The following ERG variants were observed in gnomAD, a reference collection of about 807,000 sequenced individuals.
The protein encoded by ERG is ETS transcription factor ERG.
A neutral mutation model predicts 55.3 loss-of-function variants in ERG; 9 were observed. The ratio of observed to expected loss-of-function variants is 0.16; its 90% CI spans 0.10 to 0.28. The LOEUF (loss-of-function observed/expected upper bound fraction) is 0.28. Ranked by LOEUF, ERG falls within the 10% of genes least tolerant of loss-of-function variation. The pLI is 1.00. For missense variants in ERG, 434 were observed against 631.6 expected (o/e 0.69, Z 3.35); for synonymous variants, 223 against 237.3 (o/e 0.94, Z 0.55).
intron 2 of ERG, among the ~76,000 whole-genome samples, chr21:38,519,666 T>C (rs2059579310): frequency 6.6e-6 from 1 of 152,150 alleles, no homozygotes; most frequent in Non-Finnish European, 1.5e-5. Flanking sequence ...ATTAGAGAAG[T>C]AAACAAAGAA....
intron 1 of ERG, among the ~76,000 whole-genome samples, chr21:38,637,958 T>A (rs1461391088): frequency 6.6e-6 from 1 of 152,038 alleles, no homozygotes; most frequent in East Asian, 1.9e-4. Flanking sequence ...GTTAACTGAG[T>A]GGATTGAAGA....
rs116392120 is a variant in ERG at position 38,535,041 on chromosome 21, C to T, written c.-41+40621G>A. Among the ~76,000 whole-genome samples the T allele has an allele frequency of 8.7e-3, 1,323 of 152,098 alleles. 19 individuals carry two copies. Among genetic ancestry groups the T allele is most frequent in the African/African-American group, 0.03 (1,229 of 41,486 alleles). On this transcript the variant is annotated intron_variant, in intron 2 of 8. Coordinates refer to the ERG transcript ENST00000398897. ...AAACGTGTGCCATGGTGGTTTGCTG[C>T]ACCTATCAACCCATCACCTAGGTAT...
intron 2 of ERG, among the ~76,000 whole-genome samples, chr21:38,558,301 T>A (rs1487256130): frequency 6.6e-6 from 1 of 152,188 alleles, no homozygotes; most frequent in African/African-American, 2.4e-5. Flanking sequence ...CTGAAACAGG[T>A]CAACACTGGG....
intron 1 of ERG, among the ~76,000 whole-genome samples, chr21:38,600,188 C>T (rs892782905): frequency 2.6e-5 from 4 of 152,164 alleles, no homozygotes; most frequent in Non-Finnish European, 4.4e-5. Flanking sequence ...CACCCAACCC[C>T]GCCCCGGCTT....
intron 2 of ERG, among the ~76,000 whole-genome samples, chr21:38,562,501 A>G (rs1398169698): frequency 1.3e-5 from 2 of 152,172 alleles, no homozygotes; most frequent in East Asian, 3.9e-4. Flanking sequence ...CCCTAGACCT[A>G]CTGAACTAGG....
At chr21:38,630,691 C>T (rs900597414) in intron 1 of ERG, among the ~76,000 whole-genome samples, 11 of 152,324 alleles carry the variant, frequency 7.2e-5, no homozygotes, top group Non-Finnish European at 1.6e-4. Flanking sequence ...ACAACCAATC[C>T]TGCATAAGTT....
In ERG at chr21:38,513,129, C is replaced by CAA. The variant is rs113718302; in HGVS notation, c.-41+62531_-41+62532dup. On this transcript the variant is annotated intron_variant, in intron 2 of 8. Transcript: ENST00000398897. ...CTGACAACAGAGTAAGACTCCGTCT[C>CAA]AAAAAAAAAAATAATAATAATAGGC... Among the ~76,000 whole-genome samples the CAA allele has an allele frequency of 2.3e-3, 309 of 137,058 alleles. 2 individuals carry two copies. The highest frequency in any genetic ancestry group is 0.01 in the South Asian group (45 of 4,320). The allele number at this position is 137,058 out of a possible 152,430, so 89.9% of individuals were successfully genotyped here.
downstream of ERG, among the ~76,000 whole-genome samples, chr21:38,378,978 C>T (rs749214137): frequency 2.6e-5 from 4 of 152,196 alleles, no homozygotes. Context: ...AGTGTGTATA[C>T]AGCACCTGAC....
intron 1 of ERG, among the ~76,000 whole-genome samples, chr21:38,639,020 G>A (rs1298626730): frequency 6.6e-6 from 1 of 152,124 alleles, no homozygotes; most frequent in East Asian, 1.9e-4. Context: ...CCTGCAGCCA[G>A]GCTCTAACAA....
At chr21:38,546,428 C>G (rs1330589870) in intron 2 of ERG, among the ~76,000 whole-genome samples, 2 of 152,176 alleles carry the variant, frequency 1.3e-5, no homozygotes, top group Non-Finnish European at 2.9e-5. Context: ...GGTGTATGCT[C>G]ATGTGATACT....
At chr21:38,535,487 C>A (rs1310881737) in intron 2 of ERG, among the ~76,000 whole-genome samples, 1 of 152,156 alleles carries the variant, frequency 6.6e-6, no homozygotes, top group Non-Finnish European at 1.5e-5. Flanking sequence ...CTATCACTTA[C>A]CAAACCCACT....
At chr21:38,573,303 A>G (rs200818456) in intron 2 of ERG, among the ~76,000 whole-genome samples, 1 of 152,334 alleles carries the variant, frequency 6.6e-6, no homozygotes, top group South Asian at 2.1e-4. Context: ...CGACACCCGT[A>G]AAGGGTCTGT....
chr21:38,375,759 G>C (rs1463448999), downstream of ERG, among the ~76,000 whole-genome samples: 1 of 152,074 alleles, frequency 6.6e-6, no homozygotes, highest in Non-Finnish European at 1.5e-5. Flanking sequence ...TTGTTTACTT[G>C]GTGTGTATAA....
chr21:38,516,863 G>A (rs1353636429), intron 2 of ERG, among the ~76,000 whole-genome samples: 1 of 151,962 alleles, frequency 6.6e-6, no homozygotes, highest in African/African-American at 2.4e-5. Context: ...CATACATTGG[G>A]AAAAAGACAC....
intron 1 of ERG, among the ~76,000 whole-genome samples, chr21:38,473,026 G>A (rs536468494): frequency 4.6e-5 from 7 of 152,280 alleles, no homozygotes; most frequent in South Asian, 2.1e-4. Flanking sequence ...GGCACTGCGG[G>A]GCAGAACTTC....
chr21:38,375,290 G>A (rs1044099936), downstream of ERG, among the ~76,000 whole-genome samples: 2 of 152,128 alleles, frequency 1.3e-5, no homozygotes, highest in African/African-American at 4.8e-5. Flanking sequence ...CTTAAAACCC[G>A]ACCTCTATGT....
chr21:38,426,145 A>G (rs1220049800), intron 2 of ERG, among the ~76,000 whole-genome samples: 1 of 152,222 alleles, frequency 6.6e-6, no homozygotes, highest in South Asian at 2.1e-4. Flanking sequence ...TGCTAACATG[A>G]AGGAAATTTT....
chr21:38,455,844 T>A (rs1196165155), intron 1 of ERG, among the ~76,000 whole-genome samples: 1 of 149,952 alleles, frequency 6.7e-6, no homozygotes, highest in African/African-American at 2.5e-5. Context: ...AAAACAGCCT[T>A]AATTTTTTAA....
At chr21:38,409,329 C>G (rs560587916) in intron 3 of ERG, among the ~76,000 whole-genome samples, 29 of 151,964 alleles carry the variant, frequency 1.9e-4, no homozygotes, top group African/African-American at 6.8e-4. Flanking sequence ...ACTAAAAATA[C>G]AAAATTAGCC....
Sources: allele counts gnomAD v4.1 joint callset (sites outside exome capture counted in the v4.1 genomes callset), GRCh38; gene constraint gnomAD v4.1.1; transcripts MANE v1.5; gene names NCBI Gene and HGNC (gene_info 2026-07-23, HGNC 2026-07-21).